ZC3H12B: variants seen among roughly 807,000 people sequenced by gnomAD.
The protein encoded by ZC3H12B is zinc finger CCCH-type containing 12B.
In ZC3H12B, 7 loss-of-function variants were observed where a neutral mutation model predicts 43.9. The observed-to-expected ratio is 0.16, with a 90% CI of 0.09 to 0.30. The LOEUF (loss-of-function observed/expected upper bound fraction) is 0.30. Ranked by LOEUF, ZC3H12B falls within the 10% of genes least tolerant of loss-of-function variation. The probability of loss-of-function intolerance (pLI) is 1.00; values close to 1 mark genes in which losing one functional copy is unlikely to be tolerated. For missense variants in ZC3H12B, 475 were observed against 670.2 expected (o/e 0.71, Z 3.22); for synonymous variants, 222 against 241.7 (o/e 0.92, Z 0.76).
chrX:65,272,716 C>A, the ZC3H12B span: 1 of 111,382 alleles, frequency 9.0e-6, no homozygotes, highest in African/African-American at 3.3e-5. Context: ...TCTAAAATTA[C>A]CTGAATATTC....
At chrX:65,313,408 G>A in the ZC3H12B span, among the ~76,000 whole-genome samples, 4 of 112,105 alleles carry the variant, frequency 3.6e-5, no homozygotes, top group East Asian at 1.1e-3. Flanking sequence ...CTGAAGAGTT[G>A]ATCTCTTAAT....
At chrX:65,331,466 T>C in the ZC3H12B span, among the ~76,000 whole-genome samples, 3 of 111,327 alleles carry the variant, frequency 2.7e-5, no homozygotes, top group African/African-American at 9.8e-5. Flanking sequence ...AGTAGAATGC[T>C]GGTTACCAGA....
chrX:65,121,032 T>C, the ZC3H12B span, among the ~76,000 whole-genome samples: 1 of 111,483 alleles, frequency 9.0e-6, no homozygotes, highest in Non-Finnish European at 1.9e-5. Flanking sequence ...CTTTTTGATG[T>C]ACTGCAGGAT....
chrX:65,468,913 G>C (rs770053708), intron 3 of ZC3H12B, among the ~76,000 whole-genome samples: 10 of 109,206 alleles, frequency 9.2e-5, no homozygotes, highest in Admixed American at 5.9e-4. Context: ...AAAACTCCGA[G>C]CACTGGGCCA....
chrX:65,404,172 C>T (rs1024912262), intron 3 of ZC3H12B, among the ~76,000 whole-genome samples: 6 of 111,114 alleles, frequency 5.4e-5, no homozygotes, highest in Non-Finnish European at 9.5e-5. Flanking sequence ...TGAGTAGTTA[C>T]CGGGTTATAA....
the ZC3H12B span, among the ~76,000 whole-genome samples, chrX:65,064,210 C>T: frequency 9.0e-6 from 1 of 111,166 alleles, no homozygotes; most frequent in East Asian, 2.8e-4. Flanking sequence ...GAATTTGTTG[C>T]TCTTGCTTCT....
chrX:65,321,676 A>T, the ZC3H12B span, among the ~76,000 whole-genome samples: 10 of 102,316 alleles, frequency 9.8e-5, no homozygotes, highest in East Asian at 2.7e-3. Context: ...TAGACTGGAT[A>T]AAAAAAAAAA....
chrX:65,459,579 G>T (rs1396172045), intron 3 of ZC3H12B, among the ~76,000 whole-genome samples: 3 of 111,704 alleles, frequency 2.7e-5, no homozygotes, highest in Non-Finnish European at 5.6e-5. Flanking sequence ...ATGTAATCCA[G>T]CATATAAACA....
chrX:65,138,569 G>T, the ZC3H12B span, among the ~76,000 whole-genome samples: 8 of 111,809 alleles, frequency 7.2e-5, no homozygotes. Flanking sequence ...TTGAGATACT[G>T]ATTTTATTTA....
At chrX:65,374,897 AGGG>A (rs1194108784) in intron 2 of ZC3H12B, among the ~76,000 whole-genome samples, 4 of 111,166 alleles carry the variant, frequency 3.6e-5, no homozygotes, top group Non-Finnish European at 7.5e-5. Context: ...GAAAAGCATG[AGGG>A]TAACTGCCCC....
At chrX:65,236,318 T>G in the ZC3H12B span, among the ~76,000 whole-genome samples, 2 of 112,331 alleles carry the variant, frequency 1.8e-5, no homozygotes, top group Non-Finnish European at 3.8e-5. Flanking sequence ...TAGCTTTTTT[T>G]TCATATGTTT....
chrX:65,165,519 A>T, the ZC3H12B span, among the ~76,000 whole-genome samples: 1 of 112,104 alleles, frequency 8.9e-6, no homozygotes, highest in Non-Finnish European at 1.9e-5. Flanking sequence ...TTTGAGTGAG[A>T]ATATGCAGTG....
intron 3 of ZC3H12B, among the ~76,000 whole-genome samples, chrX:65,455,265 T>A (rs1263881183): frequency 9.0e-6 from 1 of 111,505 alleles, no homozygotes; most frequent in Non-Finnish European, 1.9e-5. Context: ...GAATAACCAA[T>A]GCAGAGAAGT....
chrX:65,196,715 A>G, the ZC3H12B span, among the ~76,000 whole-genome samples: 1 of 111,438 alleles, frequency 9.0e-6, no homozygotes, highest in African/African-American at 3.3e-5. Flanking sequence ...TACACACACA[A>G]GAGCCTAAAA....
At chrX:65,220,314 G>A in the ZC3H12B span, among the ~76,000 whole-genome samples, 1 of 111,423 alleles carries the variant, frequency 9.0e-6, no homozygotes, top group South Asian at 3.7e-4. Flanking sequence ...AAGGTGCTGA[G>A]ACAGCAAATA....
the ZC3H12B span, among the ~76,000 whole-genome samples, chrX:65,169,913 G>C: frequency 3.4e-3 from 379 of 110,704 alleles, 6 homozygotes; most frequent in East Asian, 0.045. Flanking sequence ...CCTTTATTTT[G>C]AGCCTATGTG....
chrX:65,435,214 T>C (rs1424891395), intron 3 of ZC3H12B, among the ~76,000 whole-genome samples: 1 of 112,024 alleles, frequency 8.9e-6, no homozygotes, highest in African/African-American at 3.2e-5. Flanking sequence ...ACCTAGAAGC[T>C]GTTAGATTAT....
chrX:65,263,507 G>T, the ZC3H12B span, among the ~76,000 whole-genome samples: 1 of 111,058 alleles, frequency 9.0e-6, no homozygotes, highest in Non-Finnish European at 1.9e-5. Context: ...GGTTACATGA[G>T]AAATAGTCCA....
chrX:65,121,061 A>T, the ZC3H12B span, among the ~76,000 whole-genome samples: 1 of 111,302 alleles, frequency 9.0e-6, no homozygotes. Flanking sequence ...CCAGTATTTT[A>T]TTGAGGATTT....
Sources: allele counts gnomAD v4.1 joint callset (sites outside exome capture counted in the v4.1 genomes callset), GRCh38; gene constraint gnomAD v4.1.1; transcripts MANE v1.5; gene names NCBI Gene and HGNC (gene_info 2026-07-23, HGNC 2026-07-21).